The following VPS53 variants were observed in gnomAD, a reference collection of about 807,000 sequenced individuals.
VPS53 encodes VPS53 subunit of GARP complex.
VPS53 carries 70 observed loss-of-function variants against 107.0 expected under a neutral mutation model. The observed-to-expected ratio is 0.65, with a 90% CI of 0.54 to 0.80. The LOEUF is 0.80. Ranked by LOEUF, VPS53 falls within the 30% of genes least tolerant of loss-of-function variation. The pLI is 0.00. For missense variants in VPS53, 917 were observed against 1,049.4 expected, an observed-to-expected ratio of 0.87 and a Z score of 1.74; for synonymous variants, 409 against 393.3, an observed-to-expected ratio of 1.04 and a Z score of -0.47.
intron 12 of VPS53, among the ~76,000 whole-genome samples, chr17:597,337 C>T (rs980766892): frequency 6.6e-6 from 1 of 152,094 alleles, no homozygotes; most frequent in African/African-American, 2.4e-5. Flanking sequence ...TCCCCCACCC[C>T]AAGAGGTCTG....
chr17:647,563 T>C (rs1172993324), intron 7 of VPS53, among the ~76,000 whole-genome samples: 1 of 152,200 alleles, frequency 6.6e-6, no homozygotes, highest in Admixed American at 6.5e-5. Context: ...ATCTGCCTGC[T>C]CCATCCAGGC....
At chr17:650,522 T>C (rs1970900672) in intron 7 of VPS53, among the ~76,000 whole-genome samples, 3 of 151,938 alleles carry the variant, frequency 2.0e-5, no homozygotes, top group Admixed American at 2.0e-4. Context: ...AACACTAATC[T>C]TACTAGCTAC....
intron 13 of VPS53, among the ~76,000 whole-genome samples, chr17:574,645 G>T (rs1914449799): frequency 6.6e-6 from 1 of 152,074 alleles, no homozygotes; most frequent in South Asian, 2.1e-4. Context: ...TGTGCCTGTA[G>T]TCTCAGCTAC....
rs1908503379 is a variant in VPS53 at position 518,828 on chromosome 17, C to A, written c.*300G>T. The A allele has an allele frequency of 4.6e-6, 1 of 215,234 alleles. No homozygotes were observed. The highest frequency in any genetic ancestry group is 9.1e-6 in the Non-Finnish European group (1 of 110,426). 13.3% of individuals were successfully genotyped at this position (215,234 alleles called of 1,614,324 possible). A position where few individuals can be genotyped will look rare whatever the true frequency, so the allele number is the denominator to read the frequency against. On this transcript the variant is annotated 3_prime_UTR_variant, in exon 22 of 22. Coordinates refer to ENST00000437048, the MANE Select transcript of VPS53 (RefSeq NM_001128159.3). ...GGGCCCACGTGTCAAGAGGGTGTGA[C>A]TGCCATGGGGAGGCTACATGAGTCA...
chr17:626,490 G>A (rs331011), intron 10 of VPS53, among the ~76,000 whole-genome samples: 58,316 of 151,854 alleles, frequency 0.38, 12,632 homozygotes, highest in South Asian at 0.5. Context: ...CCTGGCCAAC[G>A]TGGTGAAACC....
chr17:665,268 C>T (rs1230886959), intron 4 of VPS53, among the ~76,000 whole-genome samples: 4 of 152,086 alleles, frequency 2.6e-5, no homozygotes, highest in African/African-American at 4.8e-5. Context: ...AGGCCCTCGC[C>T]GCAGGACGAC....
chr17:684,280 G>A (rs1181939874), intron 4 of VPS53, among the ~76,000 whole-genome samples: 1 of 152,026 alleles, frequency 6.6e-6, no homozygotes, highest in Non-Finnish European at 1.5e-5. Context: ...TCATAGGTGA[G>A]ATGATTATCT....
At chr17:615,356 G>C (rs973884204) in intron 11 of VPS53, among the ~76,000 whole-genome samples, 1 of 152,210 alleles carries the variant, frequency 6.6e-6, no homozygotes, top group Non-Finnish European at 1.5e-5. Flanking sequence ...GCATCCCACT[G>C]AAGTCAGGAG....
intron 13 of VPS53, among the ~76,000 whole-genome samples, chr17:579,216 CCTCCCTCAGAACCTAATGCGTTCCCAGA>C (rs1966870551): frequency 6.8e-6 from 1 of 146,070 alleles, no homozygotes; most frequent in East Asian, 2.1e-4. Flanking sequence ...TCCCAGAGAA[CCTCCCTCAGAACCTAATGCGTTCCCAGA>C]GAACCTCCCT....
At chr17:651,306 A>G (rs898292547) in intron 7 of VPS53, among the ~76,000 whole-genome samples, 4 of 152,250 alleles carry the variant, frequency 2.6e-5, no homozygotes, top group African/African-American at 9.6e-5. Flanking sequence ...ACCTGTATAC[A>G]TATTTGACCT....
chr17:534,631 C>T (rs576664371), intron 18 of VPS53, among the ~76,000 whole-genome samples: 3 of 152,240 alleles, frequency 2.0e-5, no homozygotes, highest in East Asian at 3.9e-4. Context: ...TTAGAACATG[C>T]TCCGGACTGG....
chr17:550,479 AGAT>A (rs1261531782), intron 17 of VPS53, among the ~76,000 whole-genome samples: 5 of 152,240 alleles, frequency 3.3e-5, no homozygotes, highest in African/African-American at 9.6e-5. Flanking sequence ...AGGCAGCCAT[AGAT>A]AATACATAAA....
intron 17 of VPS53, chr17:538,605 A>C (rs1161248187): frequency 1.3e-5 from 2 of 152,202 alleles, no homozygotes; most frequent in Non-Finnish European, 2.9e-5. Context: ...TTTTCAAATC[A>C]GCGGATATTT....
At chr17:700,862 C>A (rs1378470945) in intron 2 of VPS53, among the ~76,000 whole-genome samples, 1 of 152,174 alleles carries the variant, frequency 6.6e-6, no homozygotes, top group Non-Finnish European at 1.5e-5. Context: ...CTTCTGGCTA[C>A]CTCTGATGGG....
chr17:609,932 C>G (rs1968770731), intron 11 of VPS53, among the ~76,000 whole-genome samples: 1 of 151,932 alleles, frequency 6.6e-6, no homozygotes, highest in African/African-American at 2.4e-5. Context: ...GATCGAGACC[C>G]TCCTGGCTAA....
At chr17:561,953 T>C (rs535629411) in intron 14 of VPS53, among the ~76,000 whole-genome samples, 6 of 152,186 alleles carry the variant, frequency 3.9e-5, no homozygotes, top group South Asian at 2.1e-4. Context: ...GATAACACAA[T>C]AGTCCCCATA....
At chr17:543,995 AAGGGAGGG>A (rs71145749) in intron 17 of VPS53, among the ~76,000 whole-genome samples, 1 of 100,740 alleles carries the variant, frequency 9.9e-6, no homozygotes, top group Middle Eastern at 5.3e-3. Flanking sequence ...GAGAGGGAGG[AAGGGAGGG>A]AGGGAGGGAG....
At chr17:657,597 C>T (rs900998659) in intron 5 of VPS53, 12 of 757,966 alleles carry the variant, frequency 1.6e-5, no homozygotes, top group African/African-American at 1.0e-4. Context: ...GTGCACATAG[C>T]GAAAGTTTCT....
chr17:524,433 TA>T lies in VPS53; in HGVS notation c.2086-2696del, dbSNP rs1403268017. 1.1e-4 allele frequency among the ~76,000 whole-genome samples: 16 copies of T among 152,026 alleles called. No homozygotes were observed. Among genetic ancestry groups the T allele is most frequent in the Non-Finnish European group, 5.9e-5 (4 of 68,004 alleles). The stretch of plus-strand genomic sequence containing the variant: ...TCTATATCAGAAGAAACAAACAAAG[TA>T]AAAGACAAGACATAAATCAGGAGAA... On this transcript the variant is annotated intron_variant, in intron 19 of 21. Coordinates refer to ENST00000437048, the MANE Select transcript of VPS53 (RefSeq NM_001128159.3). The surrounding 1 kb of genome is among the most constrained non-coding windows in gnomAD (Gnocchi z 4.5).
Sources: gnomAD v4.1 joint callset for allele counts (sites outside exome capture counted in the v4.1 genomes callset) on GRCh38, gnomAD v4.1.1 for gene constraint, Gnocchi (gnomAD v3.1) non-coding constraint, MANE v1.5 for transcripts, NCBI Gene and HGNC (gene_info 2026-07-23, HGNC 2026-07-21) for gene names.